RMDN2: variants seen among roughly 807,000 people sequenced by gnomAD.
The protein encoded by RMDN2 is regulator of microtubule dynamics protein 2.
Under a neutral mutation model 52.8 loss-of-function variants are expected in RMDN2, and 61 were observed. The observed-to-expected ratio is 1.16, with a 90% CI of 0.94 to 1.43. The LOEUF (loss-of-function observed/expected upper bound fraction) is 1.43. Ranked by LOEUF, RMDN2 falls within the 40% of genes most tolerant of loss-of-function variation. The pLI, the probability that RMDN2 is intolerant of heterozygous loss-of-function variation, is 0.00. For synonymous variants in RMDN2, 180 were observed against 153.1 expected (o/e 1.18, Z -1.30); for missense variants, 592 against 475.3 (o/e 1.25, Z -2.28).
At chr2:37,928,520 TTTAC>T (rs1294339144) in intron 1 of RMDN2, among the ~76,000 whole-genome samples, 1 of 152,238 alleles carries the variant, frequency 6.6e-6, no homozygotes, top group Non-Finnish European at 1.5e-5. Flanking sequence ...CTCCCAGCTA[TTTAC>T]TTTGCTTCCT....
At chr2:38,013,637 CTTAA>C (rs749205856) in intron 10 of RMDN2, among the ~76,000 whole-genome samples, 18 of 152,148 alleles carry the variant, frequency 1.2e-4, no homozygotes, top group Non-Finnish European at 2.2e-4. Flanking sequence ...AATGCTCTTT[CTTAA>C]TTAAGATATC....
At chr2:37,934,496 A>G (rs1184529139) in intron 2 of RMDN2, among the ~76,000 whole-genome samples, 1 of 152,190 alleles carries the variant, frequency 6.6e-6, no homozygotes, top group Non-Finnish European at 1.5e-5. Context: ...TTTGGAAAGC[A>G]TCTTTGCTTC....
At chr2:38,028,033 T>G (rs1438969563) in intron 10 of RMDN2, 1 of 152,242 alleles carries the variant, frequency 6.6e-6, no homozygotes, top group East Asian at 1.9e-4. Context: ...TCTGTTGAAA[T>G]GCATGTTATT....
intron 3 of RMDN2, 128 bp downstream of exon 3, chr2:37,974,342 A>G (rs999019201): frequency 1.8e-5 from 10 of 548,914 alleles, no homozygotes; most frequent in Non-Finnish European, 2.9e-5. Context: ...AAATTTCTCT[A>G]TAAAATGACT....
At position 37,963,991 on chromosome 2, in the gene RMDN2, G is replaced by A. The variant is rs528614524; in HGVS notation, c.453-10049G>A. 1.1e-3 allele frequency among the ~76,000 whole-genome samples: 162 copies of A among 149,482 alleles called. 1 individual carries two copies. The highest frequency in any genetic ancestry group is 3.7e-3 in the African/African-American group (152 of 40,656). ...CAGGGCGGCTGGCCGGGCGGGGGCT[G>A]CCCCCCACCTCCCTCCCGGACGGGG... On this transcript the variant is annotated intron_variant, in intron 2 of 10. Transcript: ENST00000354545.
At chr2:38,043,831 C>G (rs914699956) in intron 10 of RMDN2, among the ~76,000 whole-genome samples, 6 of 151,954 alleles carry the variant, frequency 3.9e-5, no homozygotes, top group Non-Finnish European at 7.4e-5. Context: ...TTTTCCTTAT[C>G]CATATGCCAT....
chr2:37,930,068 C>A (rs1412293890), intron 2 of RMDN2, among the ~76,000 whole-genome samples: 2 of 152,202 alleles, frequency 1.3e-5, no homozygotes, highest in Non-Finnish European at 2.9e-5. Context: ...CACTCCTGTT[C>A]AAAAGAACTT....
chr2:38,064,938 A>G (rs1451633614), intron 10 of RMDN2, among the ~76,000 whole-genome samples: 2 of 152,186 alleles, frequency 1.3e-5, no homozygotes, highest in Non-Finnish European at 2.9e-5. Context: ...AGAACATGCA[A>G]TATTTAAATT....
At chr2:37,973,151 A>G (rs1470479) in intron 2 of RMDN2, among the ~76,000 whole-genome samples, 45,004 of 151,938 alleles carry the variant, frequency 0.3, 7,224 homozygotes, top group East Asian at 0.63. Flanking sequence ...ACTATTTCTA[A>G]TTTATTCTCT....
In RMDN2 at chr2:38,042,419, ACACAC is replaced by A. The variant is rs1211018320; in HGVS notation, c.1714-24557_1714-24553del. ...CTCCCCCCGCCACACACACACACACACACACCACACACACACACACACACCACACA... is the reference window on the plus strand; with the variant it reads ...CTCCCCCCGCCACACACACACACACACACACACACACACACACACCACACA... On this transcript the variant is annotated intron_variant, in intron 10 of 10. Coordinates refer to the RMDN2 transcript ENST00000234195. 3.0e-3 allele frequency among the ~76,000 whole-genome samples: 153 copies of A among 51,458 alleles called. 2 individuals carry two copies. Among genetic ancestry groups the A allele is most frequent in the Admixed American group, 0.01 (40 of 3,876 alleles). 33.8% of individuals were successfully genotyped at this position (51,458 alleles called of 152,430 possible). A position where few individuals can be genotyped will look rare whatever the true frequency, so the allele number is the denominator to read the frequency against.
At chr2:37,991,602 C>G (rs1330110794) in intron 7 of RMDN2, among the ~76,000 whole-genome samples, 2 of 151,740 alleles carry the variant, frequency 1.3e-5, no homozygotes, top group Non-Finnish European at 2.9e-5. Flanking sequence ...CCTGCTTTTT[C>G]ATTTCTTTTT....
At chr2:37,981,165 A>G (rs1261363986) in intron 4 of RMDN2, 118 bp from the exon 5 acceptor site, 11 of 729,172 alleles carry the variant, frequency 1.5e-5, no homozygotes, top group East Asian at 2.6e-5. Context: ...CAAAGTTGCC[A>G]TGTGATGCTG....
chr2:37,987,322 A>G (rs1051465344), intron 5 of RMDN2, among the ~76,000 whole-genome samples: 2 of 152,220 alleles, frequency 1.3e-5, no homozygotes, highest in African/African-American at 2.4e-5. Flanking sequence ...GAATAAAACT[A>G]TGGTATATCC....
At chr2:38,064,561 T>C (rs2256327) in intron 10 of RMDN2, among the ~76,000 whole-genome samples, 29,067 of 151,832 alleles carry the variant, frequency 0.19, 2,914 homozygotes, top group Middle Eastern at 0.22. Flanking sequence ...ATGGAGAAGG[T>C]GAAGAGATCA....
intron 2 of RMDN2, among the ~76,000 whole-genome samples, chr2:37,958,834 G>GT (rs1669825196): frequency 6.6e-6 from 1 of 150,894 alleles, no homozygotes; most frequent in South Asian, 2.1e-4. Context: ...TTTATTGAGT[G>GT]TTTTTAGCAT....
intron 10 of RMDN2, among the ~76,000 whole-genome samples, chr2:38,050,491 A>G (rs1681526512): frequency 6.6e-6 from 1 of 152,206 alleles, no homozygotes; most frequent in Admixed American, 6.5e-5. Flanking sequence ...ACATTTTTGC[A>G]GAGCCTTAAA....
intron 10 of RMDN2, among the ~76,000 whole-genome samples, chr2:38,049,254 G>A (rs1360839447): frequency 6.6e-6 from 1 of 152,138 alleles, no homozygotes; most frequent in East Asian, 1.9e-4. Context: ...AGAAAAGGGA[G>A]TAGAAGGAAG....
intron 4 of RMDN2, 55 bp downstream of exon 4, chr2:37,975,369 A>C (rs2125074687): frequency 2.0e-6 from 2 of 1,021,822 alleles, no homozygotes; most frequent in African/African-American, 3.2e-5. Context: ...ATAGTAAATC[A>C]TGCAGCCGTA....
At chr2:37,988,823 A>G (rs1010719665) in intron 5 of RMDN2, among the ~76,000 whole-genome samples, 1 of 152,214 alleles carries the variant, frequency 6.6e-6, no homozygotes, top group African/African-American at 2.4e-5. Context: ...TTTTTCCAGT[A>G]AATAAGCAAA....
Sources: gnomAD v4.1 joint callset for allele counts (sites outside exome capture counted in the v4.1 genomes callset) on GRCh38, gnomAD v4.1.1 for gene constraint, MANE v1.5 for transcripts, NCBI Gene and HGNC (gene_info 2026-07-23, HGNC 2026-07-21) for gene names.